The following AFF1 variants were observed in gnomAD, a reference collection of about 807,000 sequenced individuals.
AFF1 encodes the protein AF4/FMR2 family member 1.
In AFF1, 48 loss-of-function variants were observed where a neutral mutation model predicts 121.7. That is an observed-to-expected ratio of 0.39 (90% CI 0.31 to 0.50). AFF1 has a LOEUF of 0.50. Among genes scored for constraint, AFF1 ranks in the 20% least tolerant of loss-of-function variants. The pLI is 0.76. For missense variants in AFF1, 1,523 were observed against 1,511.7 expected (o/e 1.01, Z -0.12); for synonymous variants, 613 against 563.0 (o/e 1.09, Z -1.26).
At chr4:87,049,680 T>C in intron 4 of AFF1, 1 of 456,310 alleles carries the variant, frequency 2.2e-6, no homozygotes, top group South Asian at 1.5e-5. Context: ...AATGCGGTGG[T>C]TCCCTCTGGT....
intron 14 of AFF1, among the ~76,000 whole-genome samples, 161 bp downstream of exon 14, chr4:87,126,497 A>C (rs1728263976): frequency 6.6e-6 from 1 of 152,236 alleles, no homozygotes; most frequent in South Asian, 2.1e-4. Context: ...GGGAGAGTAA[A>C]AGGTATTAAT....
chr4:87,130,999 G>A lies in AFF1; in HGVS notation c.2965-84G>A, dbSNP rs147629054. ...GCCATAATTAAACTAAGACAGTGGA[G>A]GAAAGTCACACTAAAGAATGTGGGT... On this transcript the variant is annotated intron_variant, in intron 16 of 20. Coordinates refer to ENST00000395146, the MANE Select transcript of AFF1 (RefSeq NM_001166693.3). The A allele has an allele frequency of 1.3e-3, 1,992 of 1,534,818 alleles. 30 individuals carry two copies. In the African/African-American group the frequency reaches 0.024, roughly 19 times the overall value.
At chr4:87,008,405 G>A (rs2149531512) in intron 2 of AFF1, among the ~76,000 whole-genome samples, 1 of 152,256 alleles carries the variant, frequency 6.6e-6, no homozygotes, top group Middle Eastern at 3.4e-3. Context: ...CTACGAAATA[G>A]AACTTTCTAG....
intron 2 of AFF1, among the ~76,000 whole-genome samples, chr4:86,973,517 T>C (rs752621181): frequency 1.3e-5 from 2 of 152,196 alleles, no homozygotes. Context: ...ATGTAGGTTA[T>C]GGTATGGCCA....
At chr4:87,056,081 C>G (rs1202929001) in intron 4 of AFF1, among the ~76,000 whole-genome samples, 1 of 151,986 alleles carries the variant, frequency 6.6e-6, no homozygotes, top group Non-Finnish European at 1.5e-5. Flanking sequence ...CCTACTTTCT[C>G]TCTGCATTTT....
chr4:87,022,570 ATATATATATATATC>A (rs1378783291), intron 2 of AFF1, among the ~76,000 whole-genome samples: 1 of 85,980 alleles, frequency 1.2e-5, no homozygotes, highest in African/African-American at 5.1e-5. Flanking sequence ...ATATATATAT[ATATATATATATATC>A]TATCTATATC....
intron 2 of AFF1, chr4:87,007,107 G>A (rs908551416): frequency 1.9e-5 from 24 of 1,265,528 alleles, no homozygotes; most frequent in Non-Finnish European, 2.2e-5. Context: ...AACTGCGCCG[G>A]GGGCGCTCGC....
At chr4:87,059,063 C>G (rs868178169) in intron 4 of AFF1, among the ~76,000 whole-genome samples, 7 of 152,212 alleles carry the variant, frequency 4.6e-5, no homozygotes, top group African/African-American at 1.4e-4. Flanking sequence ...CCCACTCCTC[C>G]TCCAGGGCTC....
rs1349135424 is a variant in AFF1 at position 86,949,633 on chromosome 4, G to C, written c.38+1062G>C. ...CACTCCTCCCCCAGAATGCCACCGG[G>C]TTGAGGGGCTGAGCCTCAGCAGGGG... On this transcript the variant is annotated intron_variant, in intron 2 of 20. Transcript: ENST00000395146. 3 of 1,488,700 alleles carry C rather than the reference G, an allele frequency of 2.0e-6. No homozygotes were observed. The Admixed American group carries it at 5.9e-5, about 29-fold the overall frequency. 92.2% of individuals were successfully genotyped at this position (1,488,700 alleles called of 1,614,324 possible).
chr4:87,031,674 GT>G (rs33985846), intron 2 of AFF1, among the ~76,000 whole-genome samples: 10,320 of 152,166 alleles, frequency 0.068, 604 homozygotes, highest in African/African-American at 0.15. Context: ...ATACAATTCT[GT>G]TTTGAAGAAA....
Position 87,047,181 on chromosome 4 carries a change from C to G in AFF1, c.646C>G (p.Pro216Ala), listed in dbSNP as rs3733378. 5.0e-4 allele frequency: 804 copies of G among 1,614,174 alleles called. 5 individuals are homozygous for G. In the East Asian group the frequency reaches 0.012, roughly 24 times the overall value. Reference protein sequence around the residue: ...SPLISLPSPVPPLSPIHSNQQ... With the variant: ...SPLISLPSPVAPLSPIHSNQQ... Reference sequence around the variant, plus strand: ...CTTAATCTCTTTGCCTTCCCCAGTTCCCCCTTTGTCACCTATACATTCCAA... The same window carrying G: ...CTTAATCTCTTTGCCTTCCCCAGTTGCCCCTTTGTCACCTATACATTCCAA... Residue 216 changes from proline (P) to alanine (A), a missense_variant, in exon 4 of 21, where the codon CCC (proline) becomes GCC (alanine). By Grantham distance (27) the Pro-to-Ala change is conservative. This residue lies in a region of AFF1 where 369 missense variants were observed against 367.2 expected (regional missense o/e 1.00). Transcript: ENST00000395146.
At chr4:86,964,415 G>T (rs1024292693) in intron 2 of AFF1, among the ~76,000 whole-genome samples, 1 of 150,180 alleles carries the variant, frequency 6.7e-6, no homozygotes, top group East Asian at 1.9e-4. Context: ...GCACCCAGCC[G>T]CCTGGGTTGT....
chr4:86,948,895 G>A (rs915535555), intron 2 of AFF1, among the ~76,000 whole-genome samples: 8 of 152,064 alleles, frequency 5.3e-5, no homozygotes, highest in Admixed American at 5.2e-4. Flanking sequence ...CACATGTTCA[G>A]CCTGTGCTTG....
intron 4 of AFF1, among the ~76,000 whole-genome samples, chr4:87,052,191 CCTGGGGAG>C (rs1731336881): frequency 6.6e-6 from 1 of 152,040 alleles, no homozygotes; most frequent in African/African-American, 2.4e-5. Context: ...GAGGATCACT[CCTGGGGAG>C]CCCAGGAGTT....
chr4:87,122,671 T>C (rs1333688089), intron 12 of AFF1, among the ~76,000 whole-genome samples: 2 of 152,180 alleles, frequency 1.3e-5, no homozygotes, highest in Admixed American at 6.5e-5. Flanking sequence ...GTAGCTGATA[T>C]GTTTTTATCT....
intron 20 of AFF1, 137 bp downstream of exon 20, chr4:87,134,831 A>T (rs147417119): frequency 1.2e-6 from 1 of 815,006 alleles, no homozygotes; most frequent in Non-Finnish European, 1.9e-6. Context: ...TATTTTCTCT[A>T]TTCTGCCTCA....
At chr4:87,083,633 C>T (rs1303467052) in intron 4 of AFF1, among the ~76,000 whole-genome samples, 1 of 150,484 alleles carries the variant, frequency 6.6e-6, no homozygotes, top group Non-Finnish European at 1.5e-5. Context: ...CCTAGGTTTA[C>T]TAATATACTA....
At chr4:87,088,633 C>T (rs1241477574) in intron 5 of AFF1, among the ~76,000 whole-genome samples, 1 of 151,892 alleles carries the variant, frequency 6.6e-6, no homozygotes, top group African/African-American at 2.4e-5. Context: ...GAGACGGAGT[C>T]TCGCCCTGTC....
chr4:86,939,790 C>T (rs926785172), intron 1 of AFF1, among the ~76,000 whole-genome samples: 1 of 152,202 alleles, frequency 6.6e-6, no homozygotes, highest in Non-Finnish European at 1.5e-5. Flanking sequence ...AGGTGTGCTC[C>T]TCTTACCCGT....
Sources: allele counts gnomAD v4.1 joint callset (sites outside exome capture counted in the v4.1 genomes callset), GRCh38; gene constraint gnomAD v4.1.1; regional missense constraint gnomAD v4.1.1; transcripts MANE v1.5; gene names NCBI Gene and HGNC (gene_info 2026-07-23, HGNC 2026-07-21).